The following NCOR2 variants were observed in gnomAD, a reference collection of about 807,000 sequenced individuals.
The protein encoded by NCOR2 is nuclear receptor corepressor 2.
In NCOR2, 81 loss-of-function variants were observed where a neutral mutation model predicts 262.9. The ratio of observed to expected loss-of-function variants is 0.31; its 90% CI spans 0.26 to 0.37. The LOEUF (loss-of-function observed/expected upper bound fraction) is 0.37. Ranked by LOEUF, NCOR2 falls within the 10% of genes least tolerant of loss-of-function variation. The probability of loss-of-function intolerance (pLI) is 1.00; values close to 1 mark genes in which losing one functional copy is unlikely to be tolerated. For missense variants in NCOR2, 3,385 were observed against 3,621.4 expected, an observed-to-expected ratio of 0.93 and a Z score of 1.68; for synonymous variants, 1,659 against 1,559.3, an observed-to-expected ratio of 1.06 and a Z score of -1.51.
At position 124,358,347 on chromosome 12, in the gene NCOR2, A is replaced by G. The variant is rs554600747; in HGVS notation, c.3101-1565T>C. On this transcript the variant is annotated intron_variant, in intron 22 of 46. Coordinates refer to ENST00000405201, the Ensembl canonical transcript of NCOR2. ...TGCATGGATGTGTGTGTGCCTGTAC[A>G]CAATGTTGAAGGAGGTAACCTGTGA... 5.8e-3 allele frequency among the ~76,000 whole-genome samples: 859 copies of G among 148,306 alleles called. 9 individuals are homozygous for G. Among genetic ancestry groups the G allele is most frequent in the African/African-American group, 0.02 (826 of 40,910 alleles).
chr12:124,433,678 G>A (rs1205867775), intron 8 of NCOR2, among the ~76,000 whole-genome samples: 2 of 152,160 alleles, frequency 1.3e-5, no homozygotes, highest in East Asian at 3.8e-4. Flanking sequence ...TATGTCCACT[G>A]TGCTGGGTGT....
intron 1 of NCOR2, among the ~76,000 whole-genome samples, chr12:124,554,886 G>A (rs777293545): frequency 6.6e-6 from 1 of 152,268 alleles, no homozygotes; most frequent in African/African-American, 2.4e-5. Context: ...CAGCCTGGGA[G>A]CCTTCGAGGG....
At chr12:124,564,166 G>A (rs554551290) in intron 1 of NCOR2, among the ~76,000 whole-genome samples, 11 of 152,316 alleles carry the variant, frequency 7.2e-5, no homozygotes, top group South Asian at 2.1e-4. Context: ...CTGAGAGTTC[G>A]CCGGATGGGT....
chr12:124,334,454 C>A (rs370192215), exon 41 of NCOR2: 1 of 1,494,772 alleles, frequency 6.7e-7, no homozygotes, highest in Non-Finnish European at 8.9e-7. Flanking sequence ...GGGGGAGCCA[C>A]GGGCCGGGGC....
intron 26 of NCOR2, 69 bp from the exon 29 acceptor site, chr12:124,354,265 G>C (rs903646969): frequency 2.1e-6 from 3 of 1,449,058 alleles, no homozygotes; most frequent in Non-Finnish European, 2.8e-6. Flanking sequence ...CCAGTCCTGA[G>C]AGCCACCCTG....
intron 11 of NCOR2, 119 bp from the exon 14 acceptor site, chr12:124,422,674 C>T (rs1305313363): frequency 2.5e-6 from 3 of 1,195,762 alleles, no homozygotes; most frequent in African/African-American, 1.5e-5. Context: ...CACCGCCCCA[C>T]TTGGAGCAAT....
intron 20 of NCOR2, among the ~76,000 whole-genome samples, chr12:124,367,573 A>C (rs2039139687): frequency 6.6e-6 from 1 of 152,200 alleles, no homozygotes; most frequent in South Asian, 2.1e-4. Flanking sequence ...CGCCACCTCC[A>C]GAAGCCCTCC....
intron 16 of NCOR2, among the ~76,000 whole-genome samples, chr12:124,390,885 G>C (rs930050306): frequency 2.0e-4 from 31 of 152,396 alleles, no homozygotes; most frequent in African/African-American, 7.2e-4. Flanking sequence ...GACCAAGACA[G>C]GAAGTCCAGC....
intron 1 of NCOR2, among the ~76,000 whole-genome samples, chr12:124,558,344 G>T (rs1358782665): frequency 1.4e-5 from 2 of 141,492 alleles, no homozygotes; most frequent in Non-Finnish European, 3.0e-5. Flanking sequence ...GGAGGCCACA[G>T]GTGGGCAGAT....
At chr12:124,435,006 G>C (rs966763180) in intron 8 of NCOR2, among the ~76,000 whole-genome samples, 10 of 152,204 alleles carry the variant, frequency 6.6e-5, no homozygotes, top group Admixed American at 4.6e-4. Context: ...AATAAAACCT[G>C]AATGTTCCAT....
chr12:124,358,979 G>C (rs1370149689), intron 22 of NCOR2, among the ~76,000 whole-genome samples: 1 of 152,266 alleles, frequency 6.6e-6, no homozygotes, highest in Non-Finnish European at 1.5e-5. Context: ...TCGAACCCAG[G>C]CACTGGGGCT....
At chr12:124,529,273 C>A (rs2050660428) in intron 1 of NCOR2, among the ~76,000 whole-genome samples, 1 of 149,296 alleles carries the variant, frequency 6.7e-6, no homozygotes, top group Non-Finnish European at 1.5e-5. Flanking sequence ...TCAAGAACAG[C>A]CTGGCCAACA....
intron 8 of NCOR2, among the ~76,000 whole-genome samples, chr12:124,431,278 CACAG>C (rs559373735): frequency 5.4e-4 from 81 of 151,126 alleles, no homozygotes; most frequent in Middle Eastern, 6.8e-3. Flanking sequence ...CAGGCAGACA[CACAG>C]ACACACACAT....
At chr12:124,464,535 T>G (rs755182476) in intron 5 of NCOR2, among the ~76,000 whole-genome samples, 1 of 152,188 alleles carries the variant, frequency 6.6e-6, no homozygotes, top group South Asian at 2.1e-4. Context: ...ATGAGCAAAA[T>G]TGAGAGAATA....
At chr12:124,487,873 TA>T (rs3040836) in intron 1 of NCOR2, among the ~76,000 whole-genome samples, 22,050 of 137,540 alleles carry the variant, frequency 0.16, 1,975 homozygotes, top group African/African-American at 0.25. Flanking sequence ...AAACTGTGTT[TA>T]AAAAAAAAAA....
intron 7 of NCOR2, among the ~76,000 whole-genome samples, chr12:124,447,866 T>C (rs924630800): frequency 1.3e-5 from 2 of 152,104 alleles, no homozygotes; most frequent in African/African-American, 4.8e-5. Flanking sequence ...CCAGCTAATT[T>C]CTTGTCAATT....
intron 20 of NCOR2, among the ~76,000 whole-genome samples, chr12:124,369,349 G>A (rs928033918): frequency 5.3e-5 from 8 of 152,210 alleles, no homozygotes; most frequent in African/African-American, 1.4e-4. Flanking sequence ...CAAAGTCACC[G>A]GGGCGGGGGG....
At chr12:124,398,954 C>T (rs901825992) in intron 15 of NCOR2, among the ~76,000 whole-genome samples, 2 of 152,192 alleles carry the variant, frequency 1.3e-5, no homozygotes, top group African/African-American at 2.4e-5. Flanking sequence ...GTCTGTCTGC[C>T]GAGCTCCTCT....
rs377232877 is a variant in NCOR2 at position 124,357,110 on chromosome 12, T to C, written c.3101-328A>G. Among the ~76,000 whole-genome samples the C allele has an allele frequency of 2.6e-5, 4 of 152,362 alleles. No individual in the cohort carries two copies. In the East Asian group the frequency reaches 5.8e-4, roughly 22 times the overall value. ...AAGCCAAGGTCCCTGGACAGGCCTCTAAGCCAGGAGGTGGCAAATGGTATC... is the reference window on the plus strand; with the variant it reads ...AAGCCAAGGTCCCTGGACAGGCCTCCAAGCCAGGAGGTGGCAAATGGTATC... On this transcript the variant is annotated intron_variant, in intron 22 of 46. Coordinates refer to ENST00000405201, the Ensembl canonical transcript of NCOR2.
Sources: allele counts gnomAD v4.1 joint callset (sites outside exome capture counted in the v4.1 genomes callset), GRCh38; gene constraint gnomAD v4.1.1; transcripts MANE v1.5; gene names NCBI Gene and HGNC (gene_info 2026-07-23, HGNC 2026-07-21).